Variants in ASTN2 observed in about 807,000 individuals in gnomAD.
ASTN2 encodes the protein astrotactin-2.
ASTN2 carries 54 observed loss-of-function variants against 139.8 expected under a neutral mutation model. The observed-to-expected ratio is 0.39, with a 90% CI of 0.31 to 0.48. ASTN2 has a LOEUF of 0.48. ASTN2 is among the 20% of genes least tolerant of loss of function. ASTN2 has a pLI of 0.95. For missense variants in ASTN2, 1,565 were observed against 1,725.1 expected (o/e 0.91, Z 1.64); for synonymous variants, 756 against 719.5 (o/e 1.05, Z -0.81).
intron 14 of ASTN2, among the ~76,000 whole-genome samples, chr9:116,730,078 C>G (rs1451545520): frequency 6.6e-6 from 1 of 152,172 alleles, no homozygotes; most frequent in Non-Finnish European, 1.5e-5. Context: ...CTACCCTAAG[C>G]TTTGCAAACT....
chr9:116,613,705 A>G (rs1422450705), intron 19 of ASTN2: 1 of 152,224 alleles, frequency 6.6e-6, no homozygotes, highest in Non-Finnish European at 1.5e-5. Flanking sequence ...TCAATAAACT[A>G]GGTACTGATG....
At chr9:117,110,912 A>C (rs2132787043) in intron 4 of ASTN2, among the ~76,000 whole-genome samples, 1 of 152,336 alleles carries the variant, frequency 6.6e-6, no homozygotes, top group South Asian at 2.1e-4. Context: ...AGAAAAGGAG[A>C]GACTCAGAGA....
chr9:116,428,322 G>A (rs1028858827), intron 22 of ASTN2, among the ~76,000 whole-genome samples: 3 of 152,120 alleles, frequency 2.0e-5, no homozygotes, highest in Non-Finnish European at 2.9e-5. Context: ...TCAGAAGTTC[G>A]ACAGCAGCCT....
chr9:116,432,265 C>T (rs1847521413), intron 22 of ASTN2, among the ~76,000 whole-genome samples: 1 of 152,134 alleles, frequency 6.6e-6, no homozygotes, highest in Admixed American at 6.5e-5. Flanking sequence ...CCAGATCTTC[C>T]CAGCTATCAT....
chr9:116,431,623 G>A (rs1847500175), intron 22 of ASTN2, among the ~76,000 whole-genome samples: 1 of 152,202 alleles, frequency 6.6e-6, no homozygotes, highest in Non-Finnish European at 1.5e-5. Context: ...TTACATTGTT[G>A]TAGCAACAAA....
chr9:117,255,808 C>G (rs1833671314), intron 2 of ASTN2, among the ~76,000 whole-genome samples: 2 of 152,286 alleles, frequency 1.3e-5, no homozygotes, highest in Non-Finnish European at 2.9e-5. Context: ...AGGCTCAGCT[C>G]TCTCTAGAGA....
intron 17 of ASTN2, among the ~76,000 whole-genome samples, chr9:116,624,903 T>C (rs1856365072): frequency 6.6e-6 from 1 of 152,134 alleles, no homozygotes; most frequent in South Asian, 2.1e-4. Flanking sequence ...ACTGGCTCCA[T>C]TTTAGGGCCA....
At chr9:116,822,904 A>T (rs2132273131) in intron 11 of ASTN2, among the ~76,000 whole-genome samples, 1 of 152,300 alleles carries the variant, frequency 6.6e-6, no homozygotes, top group Non-Finnish European at 1.5e-5. Context: ...AGATTGGCGT[A>T]AATGCCATCA....
chr9:117,031,988 TA>T (rs1838259889), intron 6 of ASTN2, among the ~76,000 whole-genome samples: 1 of 152,184 alleles, frequency 6.6e-6, no homozygotes, highest in Admixed American at 6.5e-5. Context: ...TTTGCATTGT[TA>T]ATAAAAGATA....
At chr9:116,979,526 A>G (rs1048676784) in intron 7 of ASTN2, among the ~76,000 whole-genome samples, 22 of 152,150 alleles carry the variant, frequency 1.4e-4, no homozygotes, top group South Asian at 4.2e-4. Flanking sequence ...GAGGAGGGGC[A>G]GGAGTCACTA....
chr9:117,039,669 C>CCT, intron 6 of ASTN2, 150 bp downstream of exon 6: 1 of 709,478 alleles, frequency 1.4e-6, no homozygotes, highest in Non-Finnish European at 2.0e-6. Flanking sequence ...AGGATAAGAT[C>CCT]CTCTTCCAAG....
At chr9:116,761,404 C>T (rs1386881305) in intron 13 of ASTN2, among the ~76,000 whole-genome samples, 1 of 152,178 alleles carries the variant, frequency 6.6e-6, no homozygotes, top group Non-Finnish European at 1.5e-5. Context: ...CTTGAAGGTG[C>T]TCTCTGCAAG....
intron 19 of ASTN2, among the ~76,000 whole-genome samples, chr9:116,492,820 C>T (rs1287413539): frequency 6.6e-6 from 1 of 152,034 alleles, no homozygotes; most frequent in Non-Finnish European, 1.5e-5. Context: ...GAGTTTAGTA[C>T]ATTTCTAATA....
At chr9:117,155,429 C>G (rs1295937690) in intron 3 of ASTN2, among the ~76,000 whole-genome samples, 1 of 151,818 alleles carries the variant, frequency 6.6e-6, no homozygotes, top group Non-Finnish European at 1.5e-5. Context: ...GTGGACGGGT[C>G]TTGAAGAATG....
intron 1 of ASTN2, among the ~76,000 whole-genome samples, chr9:117,380,929 T>C (rs945992282): frequency 6.6e-6 from 1 of 152,182 alleles, no homozygotes; most frequent in Non-Finnish European, 1.5e-5. Context: ...AATAAAAACC[T>C]ATGTCCATGC....
Position 117,165,831 on chromosome 9 carries a change from G to T in ASTN2, c.1016-24353C>A, listed in dbSNP as rs1022076900. Among the ~76,000 whole-genome samples the T allele has an allele frequency of 4.6e-5, 7 of 152,010 alleles. No homozygotes were observed. The South Asian group carries it at 1.5e-3, about 32-fold the overall frequency. On this transcript the variant is annotated intron_variant, in intron 3 of 22. Transcript: ENST00000313400. ...ACCTCCCTATAAAATTGGTTGTATGGTGAAATGAGGAACTAAATGTAAAAC... is the reference window on the plus strand; with the variant it reads ...ACCTCCCTATAAAATTGGTTGTATGTTGAAATGAGGAACTAAATGTAAAAC...
intron 4 of ASTN2, among the ~76,000 whole-genome samples, chr9:117,120,623 T>C (rs1210905697): frequency 1.3e-5 from 2 of 152,094 alleles, no homozygotes; most frequent in African/African-American, 4.8e-5. Context: ...GAGGATCCTC[T>C]CCCTAGCCCC....
intron 20 of ASTN2, among the ~76,000 whole-genome samples, chr9:116,474,111 A>T (rs1177445884): frequency 3.9e-5 from 6 of 152,152 alleles, no homozygotes; most frequent in Admixed American, 3.9e-4. Flanking sequence ...AAACTGTCTG[A>T]GATTTGAAAT....
rs538227887 is a variant in ASTN2, at chr9:116,688,473, C to T, written c.2807-36680G>A. Among the ~76,000 whole-genome samples, 6 of 152,214 alleles carry T rather than the reference C, an allele frequency of 3.9e-5. No individual in the cohort carries two copies. In the East Asian group the frequency reaches 1.2e-3, roughly 29 times the overall value. ...AACTGGATGAGTATATGAAGATGAG[C>T]AGAGTTCAGGTGCTGAGGAACAAAG... On this transcript the variant is annotated intron_variant, in intron 16 of 22. Transcript: ENST00000313400.
Sources: allele counts gnomAD v4.1 joint callset (sites outside exome capture counted in the v4.1 genomes callset), GRCh38; gene constraint gnomAD v4.1.1; transcripts MANE v1.5; gene names NCBI Gene and HGNC (gene_info 2026-07-23, HGNC 2026-07-21).